The following DSCAM variants were observed in gnomAD, a reference collection of about 807,000 sequenced individuals.
DSCAM encodes the protein DS cell adhesion molecule.
A neutral mutation model predicts 217.7 loss-of-function variants in DSCAM; 47 were observed. The ratio of observed to expected loss-of-function variants is 0.22; its 90% CI spans 0.17 to 0.28. The LOEUF (loss-of-function observed/expected upper bound fraction) is 0.28. Among genes scored for constraint, DSCAM ranks in the 10% least tolerant of loss-of-function variants. The pLI, the probability that DSCAM is intolerant of heterozygous loss-of-function variation, is 1.00. For missense variants in DSCAM, 2,080 were observed against 2,618.3 expected, an observed-to-expected ratio of 0.79 and a Z score of 4.49; for synonymous variants, 1,056 against 1,015.3, an observed-to-expected ratio of 1.04 and a Z score of -0.76.
intron 12 of DSCAM, 60 bp downstream of exon 12, chr21:40,188,981 AG>A (rs2090925730): frequency 6.5e-7 from 1 of 1,543,488 alleles, no homozygotes; most frequent in East Asian, 2.3e-5. Context: ...CTTCTGTGAA[AG>A]GAAAGACTTA....
intron 3 of DSCAM, among the ~76,000 whole-genome samples, chr21:40,559,206 C>A (rs2076696301): frequency 6.6e-6 from 1 of 152,102 alleles, no homozygotes; most frequent in Admixed American, 6.5e-5. Flanking sequence ...AGCCTGTAAT[C>A]CCAGACCTTT....
chr21:40,701,947 T>C (rs541570566), intron 2 of DSCAM, among the ~76,000 whole-genome samples: 23 of 152,276 alleles, frequency 1.5e-4, no homozygotes, highest in Admixed American at 4.6e-4. Context: ...TTACATCAAA[T>C]TGATTGATAG....
chr21:40,621,656 C>T, intron 3 of DSCAM, among the ~76,000 whole-genome samples: 1 of 151,950 alleles, frequency 6.6e-6, no homozygotes, highest in East Asian at 1.9e-4. Flanking sequence ...TTCCACCAGA[C>T]CCAGGTGTCC....
At position 40,287,928 on chromosome 21, in the gene DSCAM, A is replaced by G. The variant is rs889726535; in HGVS notation, c.2182+8127T>C. On this transcript the variant is annotated intron_variant, in intron 10 of 32. Transcript: ENST00000400454. ...AGGGAAATATGGAATTGGGGAAACT[A>G]CAATGAGCAGAAAGGACACAGGAAA... is the stretch of plus-strand genomic sequence containing the variant. Among the ~76,000 whole-genome samples the G allele has an allele frequency of 3.3e-5, 5 of 152,336 alleles. No homozygotes were observed. The South Asian group carries it at 8.3e-4, about 25-fold the overall frequency.
intron 3 of DSCAM, among the ~76,000 whole-genome samples, chr21:40,480,709 G>A (rs1455973607): frequency 6.6e-6 from 1 of 152,210 alleles, no homozygotes; most frequent in African/African-American, 2.4e-5. Flanking sequence ...AAACAGCGAT[G>A]TGCCACATGG....
chr21:40,798,121 G>T (rs1245770386), intron 1 of DSCAM, among the ~76,000 whole-genome samples: 1 of 151,918 alleles, frequency 6.6e-6, no homozygotes, highest in Non-Finnish European at 1.5e-5. Flanking sequence ...GCAGATTTAG[G>T]GTCAAAAATA....
At chr21:40,194,140 A>G (rs1389163540) in intron 11 of DSCAM, among the ~76,000 whole-genome samples, 2 of 151,998 alleles carry the variant, frequency 1.3e-5, no homozygotes, top group Admixed American at 1.3e-4. Context: ...TGCACACAAT[A>G]CTCCTCAGTT....
intron 3 of DSCAM, among the ~76,000 whole-genome samples, chr21:40,442,965 A>T: frequency 6.6e-6 from 1 of 152,242 alleles, no homozygotes; most frequent in East Asian, 1.9e-4. Flanking sequence ...AAAAGCATAC[A>T]AAATAGCAGA....
At chr21:40,504,045 C>G (rs528894812) in intron 3 of DSCAM, among the ~76,000 whole-genome samples, 1 of 152,224 alleles carries the variant, frequency 6.6e-6, no homozygotes, top group Non-Finnish European at 1.5e-5. Flanking sequence ...GGCTCATAAA[C>G]GTTTCTGGTA....
chr21:40,808,564 C>T (rs1312994367), intron 1 of DSCAM, among the ~76,000 whole-genome samples: 6 of 151,084 alleles, frequency 4.0e-5, no homozygotes, highest in Admixed American at 2.6e-4. Flanking sequence ...GCCTCAATCT[C>T]CTGGGCTCAA....
At chr21:40,213,534 T>A (rs1395907680) in intron 11 of DSCAM, among the ~76,000 whole-genome samples, 1 of 152,230 alleles carries the variant, frequency 6.6e-6, no homozygotes, top group Non-Finnish European at 1.5e-5. Context: ...AATGCAGACA[T>A]GAGCAACACA....
intron 11 of DSCAM, among the ~76,000 whole-genome samples, chr21:40,230,255 A>G (rs1432704831): frequency 6.6e-6 from 1 of 152,296 alleles, no homozygotes; most frequent in East Asian, 1.9e-4. Context: ...AAGACTGTGG[A>G]GCATTGGTAT....
At chr21:40,232,171 G>A (rs963455016) in intron 11 of DSCAM, among the ~76,000 whole-genome samples, 12 of 152,252 alleles carry the variant, frequency 7.9e-5, no homozygotes, top group East Asian at 3.9e-4. Context: ...GGCAGATGAC[G>A]TCACTCATTA....
At chr21:40,627,426 C>T (rs1400252757) in intron 3 of DSCAM, among the ~76,000 whole-genome samples, 1 of 152,102 alleles carries the variant, frequency 6.6e-6, no homozygotes, top group East Asian at 1.9e-4. Context: ...TTGTGGAAAG[C>T]CTTAACAATT....
At chr21:40,743,945 C>A (rs975801453) in intron 1 of DSCAM, among the ~76,000 whole-genome samples, 4 of 152,162 alleles carry the variant, frequency 2.6e-5, no homozygotes, top group African/African-American at 9.7e-5. Flanking sequence ...CAACTGGAAA[C>A]TATTAAAAGA....
At chr21:40,791,542 C>A (rs964912640) in intron 1 of DSCAM, among the ~76,000 whole-genome samples, 1 of 152,072 alleles carries the variant, frequency 6.6e-6, no homozygotes, top group Non-Finnish European at 1.5e-5. Context: ...GTAGTCCCAG[C>A]TACTCGGGAG....
intron 32 of DSCAM, among the ~76,000 whole-genome samples, chr21:40,031,948 T>C (rs1601247402): frequency 6.6e-6 from 1 of 152,312 alleles, no homozygotes; most frequent in African/African-American, 2.4e-5. Context: ...CCTTGACCCC[T>C]GGTCTCCAGC....
chr21:40,489,550 G>A (rs62225504), intron 3 of DSCAM, among the ~76,000 whole-genome samples: 12,378 of 151,800 alleles, frequency 0.082, 679 homozygotes, highest in Middle Eastern at 0.15. Flanking sequence ...CGAGGCGGGC[G>A]GATCACGAGG....
intron 31 of DSCAM, among the ~76,000 whole-genome samples, chr21:40,043,072 G>T (rs764721977): frequency 9.9e-5 from 15 of 152,232 alleles, no homozygotes; most frequent in Non-Finnish European, 2.1e-4. Flanking sequence ...TTGAGCTGCA[G>T]TTCAGCTTCT....
Sources: allele counts gnomAD v4.1 joint callset (sites outside exome capture counted in the v4.1 genomes callset), GRCh38; gene constraint gnomAD v4.1.1; transcripts MANE v1.5; gene names NCBI Gene and HGNC (gene_info 2026-07-23, HGNC 2026-07-21).